Variants in GPSM2 observed in about 807,000 individuals in gnomAD.
GPSM2 encodes G protein signaling modulator 2.
GPSM2 carries 58 observed loss-of-function variants against 78.4 expected under a neutral mutation model. The ratio of observed to expected loss-of-function variants is 0.74; its 90% CI spans 0.60 to 0.92. The LOEUF (loss-of-function observed/expected upper bound fraction) is 0.92. GPSM2 is among the 40% of genes least tolerant of loss of function. The pLI is 0.00. For missense variants in GPSM2, 700 were observed against 815.5 expected (o/e 0.86, Z 1.73); for synonymous variants, 224 against 280.2 (o/e 0.80, Z 2.00).
At chr1:108,926,375 G>T (rs893302376) in intron 14 of GPSM2, 2 of 152,282 alleles carry the variant, frequency 1.3e-5, no homozygotes, top group South Asian at 4.1e-4. Flanking sequence ...GGAAAATAAA[G>T]AAATGAACAC....
At chr1:108,909,783 GT>G (rs1229589444) in intron 10 of GPSM2, 2 of 151,432 alleles carry the variant, frequency 1.3e-5, no homozygotes, top group Admixed American at 6.6e-5. Context: ...TGCACCTGTA[GT>G]CCCAGTTACT....
At position 108,918,768 on chromosome 1, in the gene GPSM2, C is replaced by T. The variant is rs1194707832; in HGVS notation, c.1419C>T (p.His473=). The change falls in exon 12 of 15, where the codon CAC becomes CAT. Residue 473 remains histidine, a synonymous_variant. Coordinates refer to ENST00000264126, the MANE Select transcript of GPSM2 (RefSeq NM_013296.5). The stretch of plus-strand genomic sequence containing the variant: ...AAGATGCCAGTAATTCTATTGACCA[C>T]CGAATTCCAAATTCTCAGAGGGTAC... ...VLQDASNSID[H]RIPNSQRKIS... 6.2e-7 allele frequency: 1 copy of T among 1,613,228 alleles called. No homozygotes were observed. The highest frequency in any genetic ancestry group is 8.5e-7 in the Non-Finnish European group (1 of 1,179,262).
At chr1:108,886,957 G>T (rs1647598057) in intron 2 of GPSM2, among the ~76,000 whole-genome samples, 1 of 151,972 alleles carries the variant, frequency 6.6e-6, no homozygotes, top group Non-Finnish European at 1.5e-5. Flanking sequence ...CACGAGTTTG[G>T]CTCACTGTAA....
intron 12 of GPSM2, 116 bp downstream of exon 12, chr1:108,918,905 G>C (rs1180978594): frequency 1.4e-6 from 1 of 710,188 alleles, no homozygotes. Context: ...AAATATCTTT[G>C]TATTCATATT....
At chr1:108,910,972 A>G (rs1451007570) in intron 10 of GPSM2, among the ~76,000 whole-genome samples, 1 of 152,174 alleles carries the variant, frequency 6.6e-6, no homozygotes, top group African/African-American at 2.4e-5. Context: ...TATTAAATCT[A>G]TTTCATATAG....
Position 108,931,414 on chromosome 1 carries a change from C to T in GPSM2, c.*1474C>T. ...TGGGACCTGGAGTAACACTGGATCACAGACTGCAAAGGCCCACGCTTGGAA... is the reference window on the plus strand; with the variant it reads ...TGGGACCTGGAGTAACACTGGATCATAGACTGCAAAGGCCCACGCTTGGAA... On this transcript the variant is annotated 3_prime_UTR_variant, in exon 15 of 15. Transcript: ENST00000264126. 6.4e-7 allele frequency: 1 copy of T among 1,551,136 alleles called. No individual in the cohort carries two copies.
chr1:108,898,089 T>C lies in GPSM2; in HGVS notation c.545T>C (p.Val182Ala). 1.9e-6 allele frequency: 3 copies of C among 1,614,006 alleles called. No individual in the cohort carries two copies. Among genetic ancestry groups the C allele is most frequent in the Non-Finnish European group, 2.5e-6 (3 of 1,179,920 alleles). ...GTGAGAGATGCTCTGCAGGCAGCCG[T>C]GGATTTTTATGAGTGAGTAGGGGCT... is the stretch of plus-strand genomic sequence containing the variant. ...EEVRDALQAA[V>A]DFYEENLSLV... The change falls in exon 5 of 15, where the codon GTG becomes GCG. Residue 182 changes from valine to alanine, a missense_variant. Transcript: ENST00000264126.
intron 10 of GPSM2, among the ~76,000 whole-genome samples, chr1:108,912,559 A>C (rs1235720400): frequency 2.0e-5 from 3 of 149,892 alleles, no homozygotes; most frequent in Non-Finnish European, 4.4e-5. Context: ...CCTGGGCAAC[A>C]TAGGACCCCT....
At chr1:108,910,811 C>T (rs1254996812) in intron 10 of GPSM2, among the ~76,000 whole-genome samples, 2 of 150,580 alleles carry the variant, frequency 1.3e-5, no homozygotes, top group Non-Finnish European at 2.9e-5. Context: ...TGCAGTGAGC[C>T]GAGATAGCAC....
At chr1:108,890,880 TA>T (rs142409735) in intron 2 of GPSM2, among the ~76,000 whole-genome samples, 3,543 of 151,732 alleles carry the variant, frequency 0.023, 122 homozygotes, top group African/African-American at 0.075. Context: ...CAATTTAAGT[TA>T]AAAAAAAATT....
intron 12 of GPSM2, among the ~76,000 whole-genome samples, chr1:108,921,892 T>C (rs1262839149): frequency 1.3e-5 from 2 of 152,244 alleles, no homozygotes; most frequent in Non-Finnish European, 2.9e-5. Flanking sequence ...TTAAACATTA[T>C]ATTCATCATT....
chr1:108,886,721 C>T (rs72984607), intron 2 of GPSM2, among the ~76,000 whole-genome samples: 3,848 of 152,178 alleles, frequency 0.025, 165 homozygotes, highest in African/African-American at 0.086. Context: ...TCCCACTGAT[C>T]TAGATCAGGA....
At chr1:108,908,936 T>C (rs1007308306) in intron 10 of GPSM2, among the ~76,000 whole-genome samples, 5 of 151,016 alleles carry the variant, frequency 3.3e-5, no homozygotes, top group Middle Eastern at 3.2e-3. Flanking sequence ...CCCAGGAGTT[T>C]AGACCGACCT....
chr1:108,896,802 T>TA (rs1209404924), intron 2 of GPSM2, 62 bp from the exon 3 acceptor site: 8 of 1,284,678 alleles, frequency 6.2e-6, no homozygotes, highest in Non-Finnish European at 9.1e-6. Context: ...TACGGGAAGT[T>TA]AAAAATACTG....
rs1255225559 is a variant in GPSM2, at chr1:108,896,783, A to G, written c.57-81A>G. 7.3e-6 allele frequency: 8 copies of G among 1,088,810 alleles called. No homozygotes were observed. In the Admixed American group the frequency reaches 1.3e-4, roughly 18 times the overall value. 67.4% of individuals were successfully genotyped at this position (1,088,810 alleles called of 1,614,324 possible). ...CTGCCCTGAACAAGAGTAGCCGCTT[A>G]AATTATATTACGGGAAGTTAAAAAT... On this transcript the variant is annotated intron_variant, in intron 2 of 14. Transcript: ENST00000264126.
At chr1:108,916,929 CTGAACTTGGATATG>C (rs1020142889) in intron 11 of GPSM2, among the ~76,000 whole-genome samples, 64 of 152,222 alleles carry the variant, frequency 4.2e-4, no homozygotes, top group Middle Eastern at 3.4e-3. Flanking sequence ...ACTTGGATGC[CTGAACTTGGATATG>C]TGAAAATGTC....
intron 7 of GPSM2, among the ~76,000 whole-genome samples, chr1:108,901,087 CT>C (rs1272946589): frequency 1.3e-5 from 2 of 152,130 alleles, no homozygotes; most frequent in Non-Finnish European, 2.9e-5. Context: ...CACAAAAATC[CT>C]TCGAGATATT....
At chr1:108,928,752 G>A (rs1052611147) in intron 14 of GPSM2, among the ~76,000 whole-genome samples, 1 of 152,110 alleles carries the variant, frequency 6.6e-6, no homozygotes, top group African/African-American at 2.4e-5. Context: ...ATTTTGGGAG[G>A]CCAAGGCGGG....
At chr1:108,925,240 T>C (rs1428694199) in intron 14 of GPSM2, among the ~76,000 whole-genome samples, 1 of 152,192 alleles carries the variant, frequency 6.6e-6, no homozygotes, top group Non-Finnish European at 1.5e-5. Context: ...TTAGACATGT[T>C]AAATTTGGTA....
Sources: allele counts gnomAD v4.1 joint callset (sites outside exome capture counted in the v4.1 genomes callset), GRCh38; gene constraint gnomAD v4.1.1; transcripts MANE v1.5; gene names NCBI Gene and HGNC (gene_info 2026-07-23, HGNC 2026-07-21).